Variants in GRK3 observed in about 807,000 individuals in gnomAD.
GRK3 encodes the protein G protein-coupled receptor kinase 3, also known as adrenergic, beta, receptor kinase 2.
A neutral mutation model predicts 95.7 loss-of-function variants in GRK3; 54 were observed. The ratio of observed to expected loss-of-function variants is 0.56; its 90% confidence interval spans 0.45 to 0.71. The LOEUF is 0.71. Among genes scored for constraint, GRK3 ranks in the 30% least tolerant of loss-of-function variants. GRK3 has a pLI of 0.00. For missense variants in GRK3, 649 were observed against 851.2 expected (o/e 0.76, Z 2.96); for synonymous variants, 281 against 290.8 (o/e 0.97, Z 0.34).
chr22:25,715,865 G>A (rs1009446572), intron 18 of GRK3, among the ~76,000 whole-genome samples: 26 of 152,186 alleles, frequency 1.7e-4, no homozygotes, highest in Non-Finnish European at 5.9e-5. Flanking sequence ...GGCATTTAAA[G>A]TGTCTTCAAT....
At position 25,722,277 on chromosome 22, in the gene GRK3, A is replaced by C; in HGVS notation, c.1906-12A>C. Reference sequence around the variant, plus strand: ...AGCCTGTCACAACGGCTGCCTTTGTATTCCCCCTCAGAGTGATCCAGAGTT... The same window carrying C: ...AGCCTGTCACAACGGCTGCCTTTGTCTTCCCCCTCAGAGTGATCCAGAGTT... On this transcript the variant is annotated splice_polypyrimidine_tract_variant and intron_variant, in intron 20 of 20. Transcript: ENST00000324198. 6.2e-7 allele frequency: 1 copy of C among 1,611,906 alleles called. No individual in the cohort carries two copies. Among genetic ancestry groups the C allele is most frequent in the Non-Finnish European group, 8.5e-7 (1 of 1,178,178 alleles).
chr22:25,647,404 C>G, intron 3 of GRK3: 5 of 1,323,946 alleles, frequency 3.8e-6, no homozygotes, highest in South Asian at 1.2e-5. Context: ...GCAAAGGGAA[C>G]AGCAGTTAAT....
At chr22:25,624,248 A>G (rs578007449) in intron 2 of GRK3, among the ~76,000 whole-genome samples, 1 of 152,164 alleles carries the variant, frequency 6.6e-6, no homozygotes, top group South Asian at 2.1e-4. Flanking sequence ...AGAGAGATTC[A>G]CCATTCAAGG....
chr22:25,701,848 T>A (rs549429786), intron 13 of GRK3, among the ~76,000 whole-genome samples: 5 of 152,372 alleles, frequency 3.3e-5, no homozygotes, highest in African/African-American at 1.2e-4. Context: ...TGATAAACTT[T>A]CATTCCTTTT....
At chr22:25,699,776 G>A (rs2085243087) in intron 13 of GRK3, among the ~76,000 whole-genome samples, 1 of 146,996 alleles carries the variant, frequency 6.8e-6, no homozygotes, top group Non-Finnish European at 1.5e-5. Context: ...TCGGCTCACT[G>A]CAACCTCTGC....
At chr22:25,647,771 G>A (rs938636033) in intron 3 of GRK3, 9 of 993,900 alleles carry the variant, frequency 9.1e-6, no homozygotes, top group Non-Finnish European at 1.3e-5. Context: ...GATGCTGAAA[G>A]ATTACTTCTG....
chr22:25,704,521 C>CTG (rs940666748), intron 15 of GRK3, among the ~76,000 whole-genome samples: 1 of 152,194 alleles, frequency 6.6e-6, no homozygotes, highest in Non-Finnish European at 1.5e-5. Context: ...AGCAATTCTC[C>CTG]TGCCTCAGCC....
intron 1 of GRK3, among the ~76,000 whole-genome samples, chr22:25,587,384 AG>A (rs1932350750): frequency 2.0e-5 from 3 of 152,162 alleles, no homozygotes. Context: ...TTTGATGAAA[AG>A]GTAAATGGAT....
At position 25,722,617 on chromosome 22, in the gene GRK3, A is replaced by G. The variant is rs2085442606; in HGVS notation, c.*167A>G. The G allele has an allele frequency of 5.2e-6, 3 of 581,420 alleles. No individual in the cohort carries two copies. The highest frequency in any genetic ancestry group is 8.9e-6 in the Non-Finnish European group (3 of 338,394). The allele number at this position is 581,420 out of a possible 1,614,324, so 36.0% of individuals were successfully genotyped here. A position where few individuals can be genotyped will look rare whatever the true frequency, so the allele number is the denominator to read the frequency against. ...TCAGCTCAGCTCCCTGCCTTGTCAC[A>G]TTTGTCTGCATTAGAAACTACTGAA... On this transcript the variant is annotated 3_prime_UTR_variant, in exon 21 of 21. Transcript: ENST00000324198.
Position 25,593,004 on chromosome 22 carries a change from A to G in GRK3, c.114-11373A>G, listed in dbSNP as rs556622181. Among the ~76,000 whole-genome samples the G allele has an allele frequency of 4.9e-4, 75 of 152,280 alleles. No homozygotes were observed. In the South Asian group the frequency reaches 0.011, roughly 23 times the overall value. ...AAAGGACATGATTTCATTCTTTTTA[A>G]TGGCAATATAGTATCCCATGGTGTA... is the stretch of plus-strand genomic sequence containing the variant. On this transcript the variant is annotated intron_variant, in intron 1 of 20. Transcript: ENST00000324198.
intron 2 of GRK3, among the ~76,000 whole-genome samples, chr22:25,626,147 T>C (rs1442127803): frequency 6.6e-6 from 1 of 152,148 alleles, no homozygotes; most frequent in Non-Finnish European, 1.5e-5. Flanking sequence ...GCCAGGATGG[T>C]CTTGATCTCC....
At chr22:25,648,096 A>G (rs1302380115) in intron 3 of GRK3, 2 of 568,814 alleles carry the variant, frequency 3.5e-6, no homozygotes, top group Non-Finnish European at 6.3e-6. Context: ...AGCCTCGGCG[A>G]CAAGAGCAAA....
intron 18 of GRK3, among the ~76,000 whole-genome samples, chr22:25,715,615 A>G (rs1487468565): frequency 6.6e-6 from 1 of 152,178 alleles, no homozygotes; most frequent in African/African-American, 2.4e-5. Context: ...AGTCATTCTC[A>G]TTTCACTGAA....
At chr22:25,621,974 C>A (rs966837894) in intron 2 of GRK3, among the ~76,000 whole-genome samples, 1 of 152,196 alleles carries the variant, frequency 6.6e-6, no homozygotes, top group African/African-American at 2.4e-5. Context: ...CACACTGTTT[C>A]AGTTAAAGCC....
intron 10 of GRK3, among the ~76,000 whole-genome samples, chr22:25,686,540 C>T (rs151233630): frequency 2.6e-5 from 4 of 152,198 alleles, no homozygotes; most frequent in East Asian, 1.9e-4. Context: ...AATATGCTTG[C>T]GAAAGCAAGG....
In GRK3 at chr22:25,703,507, C is replaced by A; in HGVS notation, c.1161-3C>A. On this transcript the variant is annotated splice_region_variant and splice_polypyrimidine_tract_variant and intron_variant, in intron 13 of 20. Coordinates refer to ENST00000324198, the MANE Select transcript of GRK3 (RefSeq NM_005160.4). ...TTGATAGAACAATTCTTTATTTCTACAGTCACAGCCCTTTCAGACAACATA... is the reference window on the plus strand; with the variant it reads ...TTGATAGAACAATTCTTTATTTCTAAAGTCACAGCCCTTTCAGACAACATA... 1 of 1,609,110 alleles carries A rather than the reference C, an allele frequency of 6.2e-7. No individual in the cohort carries two copies. The highest frequency in any genetic ancestry group is 8.5e-7 in the Non-Finnish European group (1 of 1,175,956).
At chr22:25,645,882 C>T (rs1471702056) in intron 3 of GRK3, among the ~76,000 whole-genome samples, 1 of 151,264 alleles carries the variant, frequency 6.6e-6, no homozygotes, top group East Asian at 1.9e-4. Flanking sequence ...GGTGGCACCA[C>T]TGCACTCCAG....
At chr22:25,662,844 T>C (rs2084918221) in intron 4 of GRK3, among the ~76,000 whole-genome samples, 2 of 152,190 alleles carry the variant, frequency 1.3e-5, no homozygotes, top group Non-Finnish European at 2.9e-5. Context: ...TATTGTACAT[T>C]ATTAAAGAAG....
intron 2 of GRK3, among the ~76,000 whole-genome samples, chr22:25,642,628 C>G (rs2084751500): frequency 6.6e-6 from 1 of 152,114 alleles, no homozygotes; most frequent in African/African-American, 2.4e-5. Context: ...ATCCTCCTGC[C>G]TTTTGGAGTT....
Sources: gnomAD v4.1 joint callset for allele counts (sites outside exome capture counted in the v4.1 genomes callset) on GRCh38, gnomAD v4.1.1 for gene constraint, MANE v1.5 for transcripts, NCBI Gene and HGNC (gene_info 2026-07-23, HGNC 2026-07-21) for gene names.